The following GABRA2 variants were observed in gnomAD, a reference collection of about 807,000 sequenced individuals.
GABRA2 encodes gamma-aminobutyric acid receptor subunit alpha-2.
GABRA2 carries 16 observed loss-of-function variants against 48.7 expected under a neutral mutation model. The ratio of observed to expected loss-of-function variants is 0.33; its 90% CI spans 0.22 to 0.50. The LOEUF (loss-of-function observed/expected upper bound fraction) is 0.50, where lower values mean the gene tolerates loss of function less well. GABRA2 is among the 20% of genes least tolerant of loss of function. The probability of loss-of-function intolerance (pLI) is 0.98; values close to 1 mark genes in which losing one functional copy is unlikely to be tolerated. For missense variants in GABRA2, 275 were observed against 535.6 expected, an observed-to-expected ratio of 0.51 and a Z score of 4.80; for synonymous variants, 185 against 184.5, an observed-to-expected ratio of 1.00 and a Z score of -0.02.
intron 6 of GABRA2, among the ~76,000 whole-genome samples, chr4:46,308,801 C>A (rs1012590670): frequency 6.6e-6 from 1 of 151,958 alleles, no homozygotes. Context: ...GTGCTTATTT[C>A]ATTTTCAGAA....
At chr4:46,299,452 C>T (rs1725344272) in intron 8 of GABRA2, among the ~76,000 whole-genome samples, 1 of 151,682 alleles carries the variant, frequency 6.6e-6, no homozygotes, top group South Asian at 2.1e-4. Context: ...TTTTAACTCA[C>T]TATAGTATCT....
intron 8 of GABRA2, among the ~76,000 whole-genome samples, chr4:46,267,100 T>A (rs552116): frequency 0.61 from 92,724 of 151,738 alleles, 28,791 homozygotes; most frequent in South Asian, 0.76. Context: ...ATATGCTTGA[T>A]GATGTACAAC....
Position 46,249,037 on chromosome 4 carries a change from T to C in GABRA2, c.*1271A>G, listed in dbSNP as rs1367822329. Reference sequence around the variant, plus strand: ...GTGTTTTCTAATTTAGCTGTGTATGTGTGTGTGTGTGTGTGTGTGTGTGTA... The same window carrying C: ...GTGTTTTCTAATTTAGCTGTGTATGCGTGTGTGTGTGTGTGTGTGTGTGTA... On this transcript the variant is annotated 3_prime_UTR_variant, in exon 10 of 10. Coordinates refer to ENST00000381620, the MANE Select transcript of GABRA2 (RefSeq NM_000807.4). 6.9e-6 allele frequency: 1 copy of C among 144,506 alleles called. No homozygotes were observed. Among genetic ancestry groups the C allele is most frequent in the East Asian group, 2.0e-4 (1 of 4,900 alleles). The allele number at this position is 144,506 out of a possible 1,614,324, so 9.0% of individuals were successfully genotyped here.
At chr4:46,286,162 G>C (rs542897705) in intron 8 of GABRA2, among the ~76,000 whole-genome samples, 2 of 151,902 alleles carry the variant, frequency 1.3e-5, no homozygotes, top group Non-Finnish European at 2.9e-5. Context: ...TGTCTCTATG[G>C]ATTTGTCTAT....
chr4:46,274,564 A>G (rs895236408), intron 8 of GABRA2, among the ~76,000 whole-genome samples: 4 of 152,062 alleles, frequency 2.6e-5, no homozygotes, highest in Admixed American at 1.3e-4. Context: ...TGCCACAGCA[A>G]TGATGTGACT....
At chr4:46,313,349 T>C (rs1322150510) in intron 4 of GABRA2, among the ~76,000 whole-genome samples, 2 of 151,962 alleles carry the variant, frequency 1.3e-5, no homozygotes, top group Non-Finnish European at 2.9e-5. Flanking sequence ...AACATGATAT[T>C]GTTAGCAAGA....
At chr4:46,339,311 A>G (rs931985716) in intron 3 of GABRA2, among the ~76,000 whole-genome samples, 3 of 151,916 alleles carry the variant, frequency 2.0e-5, no homozygotes, top group Admixed American at 6.6e-5. Context: ...ACTGGATAGA[A>G]GAGCCGAACA....
At chr4:46,376,982 C>T (rs943349296) in intron 3 of GABRA2, among the ~76,000 whole-genome samples, 2 of 152,154 alleles carry the variant, frequency 1.3e-5, no homozygotes, top group African/African-American at 4.8e-5. Context: ...AGTGATCCAC[C>T]AGCCTCGGCA....
intron 3 of GABRA2, among the ~76,000 whole-genome samples, chr4:46,356,358 G>C (rs189389619): frequency 1.3e-3 from 190 of 148,556 alleles, no homozygotes; most frequent in African/African-American, 4.5e-3. Context: ...TCAAGAATCT[G>C]TTTGCTGCAG....
In GABRA2 at chr4:46,245,353, T is replaced by C. The variant is rs191682053; in HGVS notation, c.*4955A>G. On this transcript the variant is annotated 3_prime_UTR_variant, in exon 10 of 10. Coordinates refer to ENST00000381620, the MANE Select transcript of GABRA2 (RefSeq NM_000807.4). ...TTAGAAGAGCTTACACAAGCCTCCGTTGAGAAACCTGGCATTCAAAGATGT... is the reference window on the plus strand; with the variant it reads ...TTAGAAGAGCTTACACAAGCCTCCGCTGAGAAACCTGGCATTCAAAGATGT... 2.6e-5 allele frequency among the ~76,000 whole-genome samples: 4 copies of C among 151,456 alleles called. No individual in the cohort carries two copies. Among genetic ancestry groups the C allele is most frequent in the South Asian group, 4.1e-4 (2 of 4,828 alleles).
At chr4:46,277,695 A>T (rs1720763859) in intron 8 of GABRA2, among the ~76,000 whole-genome samples, 1 of 152,058 alleles carries the variant, frequency 6.6e-6, no homozygotes, top group South Asian at 2.1e-4. Context: ...GACCTTATCC[A>T]TGGGCTGCAA....
At chr4:46,357,123 C>T (rs1218630717) in intron 3 of GABRA2, among the ~76,000 whole-genome samples, 1 of 151,806 alleles carries the variant, frequency 6.6e-6, no homozygotes, top group East Asian at 1.9e-4. Flanking sequence ...ACTACTGGGG[C>T]TCTACATACA....
At chr4:46,349,750 T>C (rs1317702011) in intron 3 of GABRA2, among the ~76,000 whole-genome samples, 1 of 151,946 alleles carries the variant, frequency 6.6e-6, no homozygotes, top group East Asian at 1.9e-4. Context: ...AATTTGGTGA[T>C]AGTATCACTT....
At chr4:46,292,085 A>G (rs1019384745) in intron 8 of GABRA2, among the ~76,000 whole-genome samples, 7 of 152,126 alleles carry the variant, frequency 4.6e-5, no homozygotes, top group African/African-American at 1.7e-4. Flanking sequence ...TCATGGCTAG[A>G]GAGAGGCAAG....
At chr4:46,261,871 G>A in intron 9 of GABRA2, 55 bp downstream of exon 9, 2 of 1,358,234 alleles carry the variant, frequency 1.5e-6, no homozygotes, top group Non-Finnish European at 2.1e-6. Flanking sequence ...TCTGTTACAA[G>A]CGGAATTCAT....
intron 2 of GABRA2, among the ~76,000 whole-genome samples, chr4:46,387,530 C>T (rs964048730): frequency 1.3e-5 from 2 of 152,090 alleles, no homozygotes; most frequent in Non-Finnish European, 2.9e-5. Flanking sequence ...ACCCTCTAGC[C>T]TCAAAAGTTT....
At chr4:46,346,117 A>T (rs897949424) in intron 3 of GABRA2, among the ~76,000 whole-genome samples, 3 of 151,996 alleles carry the variant, frequency 2.0e-5, no homozygotes, top group African/African-American at 7.2e-5. Context: ...TGATTCCCAT[A>T]ACACCTACAT....
At chr4:46,388,875 G>A (rs1717838561) in intron 1 of GABRA2, 159 bp from the exon 2 acceptor site, 1 of 1,345,632 alleles carries the variant, frequency 7.4e-7, no homozygotes, top group South Asian at 2.1e-5. Flanking sequence ...ATTGAGAGAC[G>A]ATTTCTTTTT....
chr4:46,329,881 A>G (rs1478439745), intron 4 of GABRA2, among the ~76,000 whole-genome samples: 1 of 152,124 alleles, frequency 6.6e-6, no homozygotes, highest in Non-Finnish European at 1.5e-5. Context: ...AAATCTGACA[A>G]GAGCAGAGCA....
Sources: allele counts gnomAD v4.1 joint callset (sites outside exome capture counted in the v4.1 genomes callset), GRCh38; gene constraint gnomAD v4.1.1; transcripts MANE v1.5; gene names NCBI Gene and HGNC (gene_info 2026-07-23, HGNC 2026-07-21).